Variants in SORCS3 observed in about 807,000 individuals in gnomAD.
SORCS3 encodes the protein sortilin related VPS10 domain containing receptor 3.
SORCS3 carries 57 observed loss-of-function variants against 146.3 expected under a neutral mutation model. That is an observed-to-expected ratio of 0.39 (90% CI 0.31 to 0.49). The LOEUF is 0.49. SORCS3 is among the 20% of genes least tolerant of loss of function. SORCS3 has a pLI of 0.92. For missense variants in SORCS3, 1,341 were observed against 1,575.5 expected, an observed-to-expected ratio of 0.85 and a Z score of 2.52; for synonymous variants, 653 against 618.5, an observed-to-expected ratio of 1.06 and a Z score of -0.83.
chr10:104,792,027 C>T (rs981327190), intron 1 of SORCS3, among the ~76,000 whole-genome samples: 2 of 151,852 alleles, frequency 1.3e-5, no homozygotes, highest in African/African-American at 4.8e-5. Context: ...CTAACAAAGT[C>T]AGTAGTTAAA....
At chr10:104,706,330 C>G (rs1589465951) in intron 1 of SORCS3, among the ~76,000 whole-genome samples, 2 of 151,032 alleles carry the variant, frequency 1.3e-5, no homozygotes, top group East Asian at 3.9e-4. Context: ...GTCTCAGCCT[C>G]CGGAGTAGCT....
At chr10:104,838,127 C>T (rs1386123238) in intron 1 of SORCS3, among the ~76,000 whole-genome samples, 1 of 152,186 alleles carries the variant, frequency 6.6e-6, no homozygotes, top group African/African-American at 2.4e-5. Flanking sequence ...ATGTTAGCTC[C>T]TGCTTATGCT....
At chr10:104,864,724 G>C (rs1325306548) in intron 2 of SORCS3, among the ~76,000 whole-genome samples, 1 of 152,160 alleles carries the variant, frequency 6.6e-6, no homozygotes, top group Non-Finnish European at 1.5e-5. Context: ...TTTATATAGA[G>C]AGCAAGGAGA....
chr10:104,965,111 C>G (rs1378576033), intron 3 of SORCS3, among the ~76,000 whole-genome samples: 2 of 152,172 alleles, frequency 1.3e-5, no homozygotes, highest in African/African-American at 4.8e-5. Context: ...TCCATTCATT[C>G]ATTGATAGAC....
At chr10:105,161,993 C>T (rs899106000) in intron 11 of SORCS3, among the ~76,000 whole-genome samples, 3 of 151,952 alleles carry the variant, frequency 2.0e-5, no homozygotes, top group African/African-American at 7.2e-5. Context: ...TGTGGAGGCC[C>T]TCCTCCCGCC....
intron 4 of SORCS3, among the ~76,000 whole-genome samples, chr10:105,039,767 T>C (rs1016319795): frequency 7.9e-5 from 12 of 152,078 alleles, no homozygotes; most frequent in Admixed American, 5.2e-4. Context: ...TCGCTCTCTT[T>C]ATGTTAGAAA....
At chr10:105,098,171 C>T (rs921540500) in intron 6 of SORCS3, among the ~76,000 whole-genome samples, 8 of 152,146 alleles carry the variant, frequency 5.3e-5, no homozygotes, top group African/African-American at 1.7e-4. Flanking sequence ...ATTGTGTGAA[C>T]TCAGAGCTCT....
rs1564706324 is a variant in SORCS3, at chr10:104,887,963, G to GA, written c.696-27870_696-27869insA. On this transcript the variant is annotated intron_variant, in intron 2 of 26. Transcript: ENST00000369701. ...TTCCCAGCAACATGGTGGGGGCGGG[G>GA]GGGCGGGGGCGGAGCAAGCCCATGA... is the stretch of plus-strand genomic sequence containing the variant. Among the ~76,000 whole-genome samples the GA allele has an allele frequency of 4.7e-5, 6 of 127,066 alleles. 1 individual carries two copies. Among genetic ancestry groups the GA allele is most frequent in the Non-Finnish European group, 9.7e-5 (6 of 61,558 alleles). The allele number at this position is 127,066 out of a possible 152,430, so 83.4% of individuals were successfully genotyped here. A position where few individuals can be genotyped will look rare whatever the true frequency, so the allele number is the denominator to read the frequency against.
At position 104,696,153 on chromosome 10, in the gene SORCS3, T is replaced by TATC. The variant is rs572759322; in HGVS notation, c.627+54201_627+54202insCAT. Among the ~76,000 whole-genome samples the TATC allele has an allele frequency of 5.6e-4, 50 of 89,072 alleles. 3 individuals carry two copies. Among genetic ancestry groups the TATC allele is most frequent in the Admixed American group, 1.0e-3 (7 of 6,980 alleles). 58.4% of individuals were successfully genotyped at this position (89,072 alleles called of 152,430 possible). On this transcript the variant is annotated intron_variant, in intron 1 of 26. Transcript: ENST00000369701. ...TCATATACACATATTATATATAATATATATACACATATAATATATAATATA... is the reference window on the plus strand; with the variant it reads ...TCATATACACATATTATATATAATATATCATATACACATATAATATATAATATA...
At position 104,876,703 on chromosome 10, in the gene SORCS3, T is replaced by TTTCCTTCCTTCCTTCC. The variant is rs747594890; in HGVS notation, c.695+33875_695+33890dup. ...GCACATGCAATGAACTGGTCCAGGT[T>TTTCCTTCCTTCCTTCC]TTCCTTCCTTCCTTCCTTCCTTCCT... On this transcript the variant is annotated intron_variant, in intron 2 of 26. Transcript: ENST00000369701. Among the ~76,000 whole-genome samples, 88 of 104,712 alleles carry TTTCCTTCCTTCCTTCC rather than the reference T, an allele frequency of 8.4e-4. 2 individuals are homozygous for TTTCCTTCCTTCCTTCC. The highest frequency in any genetic ancestry group is 5.7e-3 in the South Asian group (15 of 2,626). 68.7% of individuals were successfully genotyped at this position (104,712 alleles called of 152,430 possible). A position where few individuals can be genotyped will look rare whatever the true frequency, so the allele number is the denominator to read the frequency against.
At chr10:104,642,099 C>T (rs1374776194) in intron 1 of SORCS3, 145 bp downstream of exon 1, 12 of 937,144 alleles carry the variant, frequency 1.3e-5, no homozygotes, top group Admixed American at 2.8e-5. Context: ...TTGTCCGATT[C>T]CCCCCACGCC....
At chr10:104,991,514 T>C (rs1230574716) in intron 4 of SORCS3, among the ~76,000 whole-genome samples, 1 of 151,530 alleles carries the variant, frequency 6.6e-6, no homozygotes, top group East Asian at 1.9e-4. Context: ...TTTTTTTTTT[T>C]TTTTTGAGAC....
Position 104,654,454 on chromosome 10 carries a change from T to A in SORCS3, c.627+12500T>A, listed in dbSNP as rs529979063. Among the ~76,000 whole-genome samples, 14 of 152,386 alleles carry A rather than the reference T, an allele frequency of 9.2e-5. No individual in the cohort carries two copies. The South Asian group carries it at 2.7e-3, about 29-fold the overall frequency. ...CAAGGGTTCCCTTTTCTCCATGTCC[T>A]CACCAGCATTTGTTATTGCCTGTCT... On this transcript the variant is annotated intron_variant, in intron 1 of 26. Coordinates refer to ENST00000369701, the MANE Select transcript of SORCS3 (RefSeq NM_014978.3).
At chr10:104,992,873 A>G (rs986368182) in intron 4 of SORCS3, among the ~76,000 whole-genome samples, 3 of 152,162 alleles carry the variant, frequency 2.0e-5, no homozygotes, top group African/African-American at 7.2e-5. Flanking sequence ...TCTAGAAAGA[A>G]ACCTTTTTTG....
At chr10:104,829,773 A>AC (rs1201627404) in intron 1 of SORCS3, among the ~76,000 whole-genome samples, 1 of 152,024 alleles carries the variant, frequency 6.6e-6, no homozygotes, top group African/African-American at 2.4e-5. Context: ...GGATCTGGTC[A>AC]CCCTCTTCCT....
chr10:104,992,676 A>G (rs1295639844), intron 4 of SORCS3, among the ~76,000 whole-genome samples: 2 of 152,126 alleles, frequency 1.3e-5, no homozygotes, highest in East Asian at 1.9e-4. Context: ...GTGTCTTCCT[A>G]TTTCACACCA....
intron 1 of SORCS3, among the ~76,000 whole-genome samples, chr10:104,818,907 C>G (rs1457196416): frequency 6.6e-6 from 1 of 151,962 alleles, no homozygotes; most frequent in Non-Finnish European, 1.5e-5. Flanking sequence ...TTTGTTTTTT[C>G]TGCTATTTTT....
At chr10:105,060,956 A>G (rs1005034004) in intron 5 of SORCS3, among the ~76,000 whole-genome samples, 1 of 151,424 alleles carries the variant, frequency 6.6e-6, no homozygotes, top group Admixed American at 6.6e-5. Context: ...AAAAAAAAAC[A>G]AACAAAAAAG....
In SORCS3 at chr10:105,105,407, C is replaced by A. The variant is rs1564755057; in HGVS notation, c.1104C>A (p.Tyr368Ter). 1 of 1,612,702 alleles carries A rather than the reference C, an allele frequency of 6.2e-7. No individual in the cohort carries two copies. Among genetic ancestry groups the A allele is most frequent in the Non-Finnish European group, 8.5e-7 (1 of 1,178,960 alleles). Residue 368 changes from tyrosine (Y) to a stop codon, truncating the protein, a stop_gained, in exon 7 of 27, where the codon TAC (tyrosine) becomes TAA (stop). Coordinates refer to ENST00000369701, the MANE Select transcript of SORCS3 (RefSeq NM_014978.3). LOFTEE classifies it high-confidence loss of function. ...ACCCTCCTGTTTCAGATGCTCACTA[C>A]CTCACCTGCAGGATCCAGGAATGTG... Reference protein sequence around the residue: ...EVRTTDGYAHYLTCRIQECAE... With the variant: ...EVRTTDGYAH
Sources: allele counts gnomAD v4.1 joint callset (sites outside exome capture counted in the v4.1 genomes callset), GRCh38; gene constraint gnomAD v4.1.1; transcripts MANE v1.5; gene names NCBI Gene and HGNC (gene_info 2026-07-23, HGNC 2026-07-21).